SLC38A4: variants seen among roughly 807,000 people sequenced by gnomAD.
SLC38A4 encodes the protein sodium-coupled neutral amino acid transporter 4.
In SLC38A4, 20 loss-of-function variants were observed where a neutral mutation model predicts 63.1. That is an observed-to-expected ratio of 0.32 (90% CI 0.22 to 0.46). The LOEUF (loss-of-function observed/expected upper bound fraction) is 0.46, where lower values mean the gene tolerates loss of function less well. Among genes scored for constraint, SLC38A4 ranks in the 20% least tolerant of loss-of-function variants. SLC38A4 has a pLI of 1.00. For missense variants in SLC38A4, 526 were observed against 663.6 expected (o/e 0.79, Z 2.28); for synonymous variants, 230 against 225.5 (o/e 1.02, Z -0.18).
intron 1 of SLC38A4, among the ~76,000 whole-genome samples, chr12:46,831,230 G>T (rs1246872523): frequency 6.6e-6 from 1 of 152,144 alleles, no homozygotes; most frequent in Non-Finnish European, 1.5e-5. Flanking sequence ...CTGCCTGGGC[G>T]CACAGCTGGT....
At chr12:46,806,271 C>G (rs1159568898) in intron 1 of SLC38A4, among the ~76,000 whole-genome samples, 1 of 151,948 alleles carries the variant, frequency 6.6e-6, no homozygotes, top group African/African-American at 2.4e-5. Flanking sequence ...CAGTAGAGAC[C>G]TTCTGGAGCA....
At chr12:46,826,918 T>C (rs1939664706), upstream of SLC38A4, among the ~76,000 whole-genome samples, 1 of 152,228 alleles carries the variant, frequency 6.6e-6, no homozygotes, top group Non-Finnish European at 1.5e-5. Context: ...TGAAGAATAT[T>C]TTCTGTCAAA....
chr12:46,784,050 G>C (rs1388542419), intron 7 of SLC38A4, among the ~76,000 whole-genome samples: 1 of 152,002 alleles, frequency 6.6e-6, no homozygotes, highest in Non-Finnish European at 1.5e-5. Flanking sequence ...TTGATGCCTA[G>C]CCAGACTTTT....
At position 46,768,171 on chromosome 12, in the gene SLC38A4, C is replaced by A. The variant is rs1292220474; in HGVS notation, c.1542+139G>T. The stretch of plus-strand genomic sequence containing the variant: ...TTCAGAAATATGTCCCCTTTCTCTG[C>A]TACCAGAAAGTTCTAGCCCAGTTTT... On this transcript the variant is annotated intron_variant, in intron 16 of 16. Coordinates refer to ENST00000266579, the MANE Select transcript of SLC38A4 (RefSeq NM_018018.5). The A allele has an allele frequency of 3.7e-5, 21 of 570,092 alleles. No individual in the cohort carries two copies. The East Asian group carries it at 6.1e-4, about 17-fold the overall frequency. The allele number at this position is 570,092 out of a possible 1,614,324, so 35.3% of individuals were successfully genotyped here.
intron 3 of SLC38A4, among the ~76,000 whole-genome samples, chr12:46,790,545 C>T (rs1211514872): frequency 6.6e-6 from 1 of 152,062 alleles, no homozygotes; most frequent in Non-Finnish European, 1.5e-5. Context: ...TAAAATGGGC[C>T]TGAGGACTAT....
chr12:46,773,481 T>C (rs1461318452), intron 14 of SLC38A4, among the ~76,000 whole-genome samples: 1 of 152,110 alleles, frequency 6.6e-6, no homozygotes, highest in Non-Finnish European at 1.5e-5. Context: ...GGACAGCAGT[T>C]AGTCATTTTT....
chr12:46,806,996 T>C (rs931907173), intron 1 of SLC38A4, among the ~76,000 whole-genome samples: 3 of 151,348 alleles, frequency 2.0e-5, no homozygotes, highest in African/African-American at 7.3e-5. Context: ...TAGTCAACAA[T>C]TAAAAAAAAA....
At chr12:46,830,651 G>A (rs78245144), upstream of SLC38A4, among the ~76,000 whole-genome samples, 17 of 152,180 alleles carry the variant, frequency 1.1e-4, no homozygotes, top group East Asian at 3.3e-3. Flanking sequence ...ACCCGCCCCC[G>A]TCCGCACAAC....
At chr12:46,828,330 T>C (rs1263945978), upstream of SLC38A4, among the ~76,000 whole-genome samples, 1 of 151,992 alleles carries the variant, frequency 6.6e-6, no homozygotes, top group Admixed American at 6.6e-5. Context: ...TGTTGGTTGG[T>C]TGTTTGTTTG....
At chr12:46,789,160 CT>C (rs1249909770) in intron 3 of SLC38A4, among the ~76,000 whole-genome samples, 3 of 151,408 alleles carry the variant, frequency 2.0e-5, no homozygotes, top group African/African-American at 7.3e-5. Context: ...CATTCTCCCC[CT>C]GGCATCAAGC....
At chr12:46,768,490 A>G in intron 15 of SLC38A4, 83 bp from the exon 16 acceptor site, 1 of 900,400 alleles carries the variant, frequency 1.1e-6, no homozygotes, top group South Asian at 1.6e-5. Flanking sequence ...CTTTAAATAA[A>G]CCAAATATAA....
chr12:46,785,029 G>A, intron 6 of SLC38A4, 75 bp downstream of exon 6: 1 of 1,172,188 alleles, frequency 8.5e-7, no homozygotes, highest in Non-Finnish European at 1.3e-6. Flanking sequence ...TCATCCTAAG[G>A]TTATGAAGCA....
Position 46,788,531 on chromosome 12 carries a change from T to C in SLC38A4, c.207A>G (p.Glu69=), listed in dbSNP as rs973375440. 27 of 1,612,544 alleles carry C rather than the reference T, an allele frequency of 1.7e-5. No individual in the cohort carries two copies. Among genetic ancestry groups the C allele is most frequent in the African/African-American group, 2.7e-5 (2 of 74,888 alleles). ...GKKKLADYAD[E]HHPGTTSFGM... ...CTGAAAGCATAGATTCACTTACGTG[T>C]TCATCAGCATAATCTGCCAGCTTCT... The change falls in exon 4 of 17, where the codon GAA becomes GAG. Residue 69 remains glutamate (E), a synonymous_variant. Coordinates refer to ENST00000266579, the MANE Select transcript of SLC38A4 (RefSeq NM_018018.5).
At chr12:46,810,925 A>C (rs773671465) in intron 1 of SLC38A4, among the ~76,000 whole-genome samples, 22 of 152,072 alleles carry the variant, frequency 1.4e-4, no homozygotes, top group Non-Finnish European at 2.8e-4. Context: ...GCTATTTAGA[A>C]TCTAGATAAA....
intron 2 of SLC38A4, among the ~76,000 whole-genome samples, 191 bp from the exon 3 acceptor site, chr12:46,793,374 A>C (rs535473592): frequency 6.6e-6 from 1 of 152,318 alleles, no homozygotes; most frequent in African/African-American, 2.4e-5. Context: ...AGAAGAAAGG[A>C]AATTACTAAT....
chr12:46,783,239 A>AGATC (rs1938685699), intron 7 of SLC38A4, among the ~76,000 whole-genome samples: 1 of 148,400 alleles, frequency 6.7e-6, no homozygotes, highest in Non-Finnish European at 1.5e-5. Context: ...ATAGATAGAT[A>AGATC]GATAGATAGA....
intron 1 of SLC38A4, among the ~76,000 whole-genome samples, chr12:46,822,434 G>A (rs1049252814): frequency 1.8e-4 from 28 of 152,236 alleles, no homozygotes; most frequent in African/African-American, 6.3e-4. Context: ...TCTTATGACA[G>A]CAATTAGGGT....
upstream of SLC38A4, among the ~76,000 whole-genome samples, chr12:46,829,005 T>G (rs1592201939): frequency 6.6e-6 from 1 of 152,228 alleles, no homozygotes; most frequent in East Asian, 1.9e-4. Flanking sequence ...TTTATTTTAC[T>G]GCTGTCTTTA....
At chr12:46,820,709 G>A (rs1389278060) in intron 1 of SLC38A4, among the ~76,000 whole-genome samples, 9 of 151,978 alleles carry the variant, frequency 5.9e-5, no homozygotes, top group Non-Finnish European at 1.2e-4. Flanking sequence ...TGGGATTGTA[G>A]GATCATATAG....
Sources: gnomAD v4.1 joint callset for allele counts (sites outside exome capture counted in the v4.1 genomes callset) on GRCh38, gnomAD v4.1.1 for gene constraint, MANE v1.5 for transcripts, NCBI Gene and HGNC (gene_info 2026-07-23, HGNC 2026-07-21) for gene names.